Variants in CCDC83 observed in about 807,000 individuals in gnomAD.
The protein encoded by CCDC83 is coiled-coil domain-containing protein 83.
CCDC83 carries 54 observed loss-of-function variants against 50.1 expected under a neutral mutation model. The ratio of observed to expected loss-of-function variants is 1.08; its 90% CI spans 0.87 to 1.35. CCDC83 has a LOEUF of 1.35. Ranked by LOEUF, CCDC83 falls within the 40% of genes most tolerant of loss-of-function variation. The probability of loss-of-function intolerance (pLI) is 0.00; values close to 1 mark genes in which losing one functional copy is unlikely to be tolerated. For missense variants in CCDC83, 518 were observed against 473.9 expected, an observed-to-expected ratio of 1.09 and a Z score of -0.86; for synonymous variants, 161 against 153.3, an observed-to-expected ratio of 1.05 and a Z score of -0.37.
chr11:85,871,074 G>A (rs2093234518), intron 2 of CCDC83, among the ~76,000 whole-genome samples: 1 of 152,188 alleles, frequency 6.6e-6, no homozygotes, highest in Non-Finnish European at 1.5e-5. Context: ...GGCTGAGGTG[G>A]GACAAGCGCT....
intron 8 of CCDC83, among the ~76,000 whole-genome samples, chr11:85,911,836 G>T (rs191079413): frequency 6.6e-6 from 1 of 152,074 alleles, no homozygotes. Context: ...TATTTCTTTC[G>T]GTTGAAAGAG....
At chr11:85,916,863 C>A (rs928306922) in intron 10 of CCDC83, 1 of 152,642 alleles carries the variant, frequency 6.6e-6, no homozygotes, top group South Asian at 2.1e-4. Context: ...GTAACCCCAG[C>A]ACTTTGGGAA....
chr11:85,873,233 G>C lies in CCDC83; in HGVS notation c.118G>C (p.Val40Leu). 5.1e-6 allele frequency: 8 copies of C among 1,555,104 alleles called. No homozygotes were observed. Among genetic ancestry groups the C allele is most frequent in the Non-Finnish European group, 6.1e-6 (7 of 1,146,170 alleles). ...CAGATGTCAAATAAAGGAAGATGCC[G>C]TGGAGCAATTCATGTTTCAAATAAA... The part of the protein sequence containing the change: ...DYQCQIKEDA[V>L]EQFMFQIKTL... The change falls in exon 3 of 11, where the codon GTG becomes CTG. Residue 40 changes from valine (V) to leucine (L), a missense_variant. Val to Leu is a conservative substitution (Grantham distance 32). Coordinates refer to ENST00000342404, the MANE Select transcript of CCDC83 (RefSeq NM_001286159.2).
rs189914265 is a variant in CCDC83 at position 85,886,787 on chromosome 11, C to T, written c.511+420C>T. On this transcript the variant is annotated intron_variant, in intron 5 of 10. Transcript: ENST00000342404. ...AATCAGTTGGGCATGGTGGCTCATG[C>T]CTGTAGCCCCAGCTACTTGAGAGGC... Among the ~76,000 whole-genome samples, 5 of 152,300 alleles carry T rather than the reference C, an allele frequency of 3.3e-5. No homozygotes were observed. In the East Asian group the frequency reaches 5.8e-4, roughly 18 times the overall value.
intron 7 of CCDC83, among the ~76,000 whole-genome samples, 184 bp from the exon 8 acceptor site, chr11:85,911,097 G>C (rs1205078273): frequency 2.6e-5 from 4 of 151,044 alleles, no homozygotes; most frequent in Admixed American, 2.6e-4. Flanking sequence ...CTTGAACCCA[G>C]GAGGTAGAGG....
At chr11:85,880,432 C>A (rs2093293663) in intron 3 of CCDC83, among the ~76,000 whole-genome samples, 2 of 152,074 alleles carry the variant, frequency 1.3e-5, no homozygotes, top group African/African-American at 2.4e-5. Context: ...TGCACCACCA[C>A]ACCTGGCTAA....
chr11:85,858,459 C>T (rs1300460357), intron 1 of CCDC83, among the ~76,000 whole-genome samples: 6 of 152,178 alleles, frequency 3.9e-5, no homozygotes. Context: ...AAATGGCACC[C>T]ACTTTGTGAT....
rs766580618 is a variant in CCDC83, at chr11:85,873,213, G to A, written c.98G>A (p.Cys33Tyr). Reference sequence around the variant, plus strand: ...ATTTTATCTTTGTTGATTCTCAGATGTCAAATAAAGGAAGATGCCGTGGAG... The same window carrying A: ...ATTTTATCTTTGTTGATTCTCAGATATCAAATAAAGGAAGATGCCGTGGAG... ...PTSEALLDYQ[C>Y]QIKEDAVEQF... The change falls in exon 3 of 11, where the codon TGT becomes TAT. Residue 33 changes from cysteine to tyrosine, a missense_variant and splice_region_variant. By Grantham distance (194) the Cys-to-Tyr change is radical (BLOSUM62 -2). Transcript: ENST00000342404. The A allele has an allele frequency of 2.0e-5, 30 of 1,516,344 alleles. No individual in the cohort carries two copies. Among genetic ancestry groups the A allele is most frequent in the South Asian group, 2.5e-5 (2 of 78,618 alleles). 93.9% of individuals were successfully genotyped at this position (1,516,344 alleles called of 1,614,324 possible).
At chr11:85,856,045 GGTTTC>G (rs910462240) in intron 1 of CCDC83, among the ~76,000 whole-genome samples, 9 of 152,142 alleles carry the variant, frequency 5.9e-5, no homozygotes, top group African/African-American at 1.4e-4. Flanking sequence ...GAAAACACTT[GGTTTC>G]TTTTATGAAT....
At chr11:85,910,408 T>C (rs1048663571) in intron 7 of CCDC83, among the ~76,000 whole-genome samples, 2 of 152,260 alleles carry the variant, frequency 1.3e-5, no homozygotes, top group Non-Finnish European at 2.9e-5. Flanking sequence ...ATATTTCATC[T>C]ACCTGACAGT....
upstream of CCDC83, chr11:85,855,186 C>A (rs1373704755): frequency 1.3e-5 from 2 of 152,310 alleles, no homozygotes; most frequent in Non-Finnish European, 2.9e-5. Context: ...CGCCCAGGGC[C>A]GGGTATCCGC....
At chr11:85,875,866 T>G (rs558281342) in intron 3 of CCDC83, among the ~76,000 whole-genome samples, 55 of 152,334 alleles carry the variant, frequency 3.6e-4, no homozygotes, top group Admixed American at 8.5e-4. Flanking sequence ...TCAGTTTGCA[T>G]TCATTGCTCC....
chr11:85,881,572 C>T (rs2093300773), intron 3 of CCDC83, among the ~76,000 whole-genome samples: 1 of 152,020 alleles, frequency 6.6e-6, no homozygotes, highest in Non-Finnish European at 1.5e-5. Flanking sequence ...ACAAGCACCA[C>T]CATGCCTGAC....
chr11:85,905,726 T>C (rs1407013900), intron 7 of CCDC83, among the ~76,000 whole-genome samples: 1 of 151,828 alleles, frequency 6.6e-6, no homozygotes, highest in African/African-American at 2.4e-5. Context: ...TCCCAGCACT[T>C]TGGGAGGCCG....
At chr11:85,880,270 GTTTTA>G (rs925283637) in intron 3 of CCDC83, among the ~76,000 whole-genome samples, 6 of 152,108 alleles carry the variant, frequency 3.9e-5, no homozygotes, top group African/African-American at 1.2e-4. Flanking sequence ...TTTAGATCTT[GTTTTA>G]TTTTTATTTA....
At chr11:85,898,829 C>A (rs1258231549) in intron 6 of CCDC83, 118 bp from the exon 7 acceptor site, 5 of 742,588 alleles carry the variant, frequency 6.7e-6, no homozygotes, top group Non-Finnish European at 9.4e-6. Flanking sequence ...TAAGTATGTT[C>A]CTAAAGTAAT....
At chr11:85,908,368 T>C (rs1023578495) in intron 7 of CCDC83, among the ~76,000 whole-genome samples, 3 of 151,934 alleles carry the variant, frequency 2.0e-5, no homozygotes, top group Non-Finnish European at 2.9e-5. Flanking sequence ...CCAGGTGTGA[T>C]GATGAAACCC....
At chr11:85,897,358 A>C (rs912419073) in intron 6 of CCDC83, among the ~76,000 whole-genome samples, 1 of 152,178 alleles carries the variant, frequency 6.6e-6, no homozygotes, top group Admixed American at 6.5e-5. Context: ...GCTCCTAATC[A>C]CTAAACTATA....
At chr11:85,868,753 C>T (rs763010762) in intron 2 of CCDC83, among the ~76,000 whole-genome samples, 7 of 151,996 alleles carry the variant, frequency 4.6e-5, no homozygotes, top group African/African-American at 7.3e-5. Flanking sequence ...CTCAAGGGAT[C>T]AGCCCACCTC....
Sources: gnomAD v4.1 joint callset for allele counts (sites outside exome capture counted in the v4.1 genomes callset) on GRCh38, gnomAD v4.1.1 for gene constraint, MANE v1.5 for transcripts, NCBI Gene and HGNC (gene_info 2026-07-23, HGNC 2026-07-21) for gene names.